The following DNAH5 variants were observed in gnomAD, a reference collection of about 807,000 sequenced individuals.
DNAH5 encodes the protein axonemal beta dynein heavy chain 5.
A neutral mutation model predicts 518.2 loss-of-function variants in DNAH5; 372 were observed. The ratio of observed to expected loss-of-function variants is 0.72; its 90% confidence interval spans 0.66 to 0.78. The LOEUF is 0.78. Ranked by LOEUF, DNAH5 falls within the 30% of genes least tolerant of loss-of-function variation. The pLI is 0.00. For missense variants in DNAH5, 5,523 were observed against 5,687.0 expected, an observed-to-expected ratio of 0.97 and a Z score of 0.93; for synonymous variants, 2,039 against 2,025.9, an observed-to-expected ratio of 1.01 and a Z score of -0.17.
intron 68 of DNAH5, among the ~76,000 whole-genome samples, chr5:13,734,225 G>T (rs1747024884): frequency 6.6e-6 from 1 of 152,130 alleles, no homozygotes; most frequent in African/African-American, 2.4e-5. Context: ...CCCAGAAGAG[G>T]CTCCTCACTA....
At chr5:13,792,668 AT>A (rs112381656) in intron 49 of DNAH5, among the ~76,000 whole-genome samples, 37,021 of 151,980 alleles carry the variant, frequency 0.24, 4,770 homozygotes, top group South Asian at 0.35. Flanking sequence ...GATAACAGTC[AT>A]TTTTTTCTGG....
In DNAH5 at chr5:13,725,799, T is replaced by G. The variant is rs144728130; in HGVS notation, c.12033+1708A>C. The stretch of plus-strand genomic sequence containing the variant: ...CCTCCCAAGTAGCTGGCATTACAGG[T>G]GCCACCACCATGCCTGGCTAATTTT... On this transcript the variant is annotated intron_variant, in intron 70 of 78. Coordinates refer to ENST00000265104, the MANE Select transcript of DNAH5 (RefSeq NM_001369.3). Among the ~76,000 whole-genome samples, 330 of 152,244 alleles carry G rather than the reference T, an allele frequency of 2.2e-3. 7 individuals carry two copies. The East Asian group carries it at 0.046, about 21-fold the overall frequency.
In DNAH5 at chr5:13,864,454, G is replaced by A. The variant is rs764718901; in HGVS notation, c.4539C>T (p.Ser1513=). 1 of 1,614,000 alleles carries A rather than the reference G, an allele frequency of 6.2e-7. No individual in the cohort carries two copies. Among genetic ancestry groups the A allele is most frequent in the East Asian group, 2.2e-5 (1 of 44,876 alleles). Residue 1513 remains serine, a synonymous_variant, in exon 28 of 79, where the codon AGC becomes AGT. Coordinates refer to ENST00000265104, the MANE Select transcript of DNAH5 (RefSeq NM_001369.3). ...TGHSLDVGNE[S]FKLRNIMEAP... ...CCTCCATGATATTTCTTAACTTAAA[G>A]CTTTCATTCCCCACATCCAGACTGT...
At position 14,004,304 on chromosome 5, in the gene DNAH5, A is replaced by C. The variant is rs144535556; in HGVS notation, c.12+7344T>G. On this transcript the variant is annotated intron_variant, in intron 1 of 78. Coordinates refer to the DNAH5 transcript ENST00000681290. ...GAGAGCAAAGGGAGAGATCAGTTAC[A>C]GCCACCTTTCTCTGATGAGCTGCGG... 1.7e-4 allele frequency among the ~76,000 whole-genome samples: 26 copies of C among 152,328 alleles called. No individual in the cohort carries two copies. The East Asian group carries it at 4.6e-3, about 27-fold the overall frequency.
At chr5:13,985,703 G>C (rs1217981311) in intron 1 of DNAH5, among the ~76,000 whole-genome samples, 2 of 152,058 alleles carry the variant, frequency 1.3e-5, no homozygotes, top group African/African-American at 4.8e-5. Flanking sequence ...TGCCCCAACA[G>C]AGAACTCACC....
At chr5:14,001,213 G>A (rs1012080102) in intron 1 of DNAH5, among the ~76,000 whole-genome samples, 2 of 152,070 alleles carry the variant, frequency 1.3e-5, no homozygotes, top group African/African-American at 4.8e-5. Context: ...CCTGGGTGAA[G>A]GATTCATTCA....
rs1354379075 is a variant in DNAH5 at position 13,793,438 on chromosome 5, T to C, written c.8224+77A>G. ...CCCAGTGCTCTTTCTGTGTGGGTCTTGGGTGAAGATTTTCAAAAAGGAACC... is the reference window on the plus strand; with the variant it reads ...CCCAGTGCTCTTTCTGTGTGGGTCTCGGGTGAAGATTTTCAAAAAGGAACC... On this transcript the variant is annotated intron_variant, in intron 49 of 78. Transcript: ENST00000265104. The C allele has an allele frequency of 4.8e-6, 6 of 1,248,934 alleles. No individual in the cohort carries two copies. The African/African-American group carries it at 7.4e-5, about 15-fold the overall frequency. 77.4% of individuals were successfully genotyped at this position (1,248,934 alleles called of 1,614,324 possible). A position where few individuals can be genotyped will look rare whatever the true frequency, so the allele number is the denominator to read the frequency against.
At chr5:13,755,662 C>A (rs1462682150) in intron 61 of DNAH5, among the ~76,000 whole-genome samples, 1 of 152,138 alleles carries the variant, frequency 6.6e-6, no homozygotes, top group African/African-American at 2.4e-5. Context: ...AAAAAACTAA[C>A]AGTCCATCGG....
At chr5:13,741,609 A>G (rs1411449878) in intron 65 of DNAH5, among the ~76,000 whole-genome samples, 1 of 152,212 alleles carries the variant, frequency 6.6e-6, no homozygotes, top group Admixed American at 6.6e-5. Flanking sequence ...AAGCCCTCAC[A>G]TTACGGTTGT....
intron 22 of DNAH5, 33 bp from the exon 23 acceptor site, chr5:13,871,798 G>A: frequency 6.3e-7 from 1 of 1,579,050 alleles, no homozygotes; most frequent in Middle Eastern, 1.7e-4. Flanking sequence ...TGTTAAGAAG[G>A]AAGAATCTGA....
intron 1 of DNAH5, among the ~76,000 whole-genome samples, chr5:14,002,158 A>G (rs532036645): frequency 1.3e-5 from 1 of 74,194 alleles, no homozygotes; most frequent in East Asian, 4.8e-4. Flanking sequence ...CGGCCTCCCA[A>G]AGTGCTGGGA....
At chr5:13,920,026 G>A (rs1173144921) in intron 6 of DNAH5, among the ~76,000 whole-genome samples, 2 of 152,198 alleles carry the variant, frequency 1.3e-5, no homozygotes, top group African/African-American at 2.4e-5. Flanking sequence ...GAGGAACATG[G>A]CCTTGTTAAA....
At chr5:13,929,726 T>A (rs1351679267) in intron 2 of DNAH5, among the ~76,000 whole-genome samples, 1 of 152,154 alleles carries the variant, frequency 6.6e-6, no homozygotes, top group East Asian at 1.9e-4. Context: ...CTGAGCCAGA[T>A]GCTTTCTTTA....
At chr5:13,696,303 T>C (rs1365110568) in intron 78 of DNAH5, among the ~76,000 whole-genome samples, 2 of 152,334 alleles carry the variant, frequency 1.3e-5, no homozygotes, top group East Asian at 1.9e-4. Context: ...AAGACACATA[T>C]CTTTCTTCTA....
chr5:13,884,993 G>C lies in DNAH5; in HGVS notation c.2979C>G (p.Phe993Leu). Reference sequence around the variant, plus strand: ...CAAACCACACAAGATTATTACCCCGGAAGTTAATTGTGTGAGAGGAATGAA... The same window carrying C: ...CAAACCACACAAGATTATTACCCCGCAAGTTAATTGTGTGAGAGGAATGAA... Reference protein sequence around the residue: ...KRIHSSHTINFRDSNSASNMK... With the variant: ...KRIHSSHTINLRDSNSASNMK... The change falls in exon 19 of 79, where the codon TTC becomes TTG. Residue 993 changes from phenylalanine (F) to leucine (L), a missense_variant. Phe to Leu is a conservative substitution (Grantham distance 22, BLOSUM62 0). Around this residue, in one of 3 missense-constraint regions of DNAH5, gnomAD observed 5,121 missense variants for 5,223.3 expected, o/e 0.98. Coordinates refer to ENST00000265104, the MANE Select transcript of DNAH5 (RefSeq NM_001369.3). The C allele has an allele frequency of 6.2e-7, 1 of 1,614,154 alleles. No homozygotes were observed. Among genetic ancestry groups the C allele is most frequent in the Non-Finnish European group, 8.5e-7 (1 of 1,180,026 alleles).
At chr5:13,834,708 T>G (rs1445472655) in intron 35 of DNAH5, among the ~76,000 whole-genome samples, 2 of 152,064 alleles carry the variant, frequency 1.3e-5, no homozygotes, top group African/African-American at 4.8e-5. Flanking sequence ...CCAGGCCAAG[T>G]GTATAATGAG....
intron 47 of DNAH5, among the ~76,000 whole-genome samples, chr5:13,804,605 T>G (rs892509732): frequency 7.9e-5 from 12 of 152,172 alleles, no homozygotes; most frequent in Non-Finnish European, 1.8e-4. Context: ...TGCTCCACAG[T>G]CAAAACAGTC....
At chr5:13,845,863 G>T in intron 31 of DNAH5, among the ~76,000 whole-genome samples, 1 of 129,288 alleles carries the variant, frequency 7.7e-6, no homozygotes, top group African/African-American at 2.9e-5. Flanking sequence ...CAGAGTCTCA[G>T]TCTATCACCA....
intron 11 of DNAH5, 90 bp downstream of exon 11, chr5:13,913,653 A>G: frequency 6.9e-7 from 1 of 1,457,670 alleles, no homozygotes; most frequent in Non-Finnish European, 9.4e-7. Flanking sequence ...CAGACTGATG[A>G]TTTGAATCAT....
Sources: gnomAD v4.1 joint callset for allele counts (sites outside exome capture counted in the v4.1 genomes callset) on GRCh38, gnomAD v4.1.1 for gene constraint, gnomAD v4.1.1 regional missense constraint, MANE v1.5 for transcripts, NCBI Gene and HGNC (gene_info 2026-07-23, HGNC 2026-07-21) for gene names.